MGRN1: variants seen among roughly 807,000 people sequenced by gnomAD.
MGRN1 encodes E3 ubiquitin-protein ligase MGRN1.
MGRN1 carries 29 observed loss-of-function variants against 69.2 expected under a neutral mutation model. The ratio of observed to expected loss-of-function variants is 0.42; its 90% CI spans 0.31 to 0.57. The LOEUF is 0.57. Ranked by LOEUF, MGRN1 falls within the 20% of genes least tolerant of loss-of-function variation. MGRN1 has a pLI of 0.15. For synonymous variants in MGRN1, 470 were observed against 344.2 expected (o/e 1.37, Z -4.04); for missense variants, 998 against 796.2 (o/e 1.25, Z -3.05).
rs2079401818 is a variant in MGRN1, at chr16:4,689,091, C to T, written c.*183C>T. 1.3e-6 allele frequency: 1 copy of T among 762,340 alleles called. No homozygotes were observed. The highest frequency in any genetic ancestry group is 2.0e-6 in the Non-Finnish European group (1 of 506,456). The allele number at this position is 762,340 out of a possible 1,614,324, so 47.2% of individuals were successfully genotyped here. On this transcript the variant is annotated 3_prime_UTR_variant, in exon 17 of 17. Transcript: ENST00000262370. ...ACTGTCCCTTCTGAGTCTCCCTTTT[C>T]TACAGTTGATATATTTGTAACTGGT...
intron 13 of MGRN1, 150 bp downstream of exon 13, chr16:4,681,926 G>A: frequency 1.2e-6 from 1 of 826,500 alleles, no homozygotes; most frequent in Non-Finnish European, 1.8e-6. Flanking sequence ...TTAGACTCAT[G>A]GGTAAAGTTT....
chr16:4,646,789 A>C (rs2078283813), intron 1 of MGRN1, among the ~76,000 whole-genome samples: 1 of 152,192 alleles, frequency 6.6e-6, no homozygotes, highest in Admixed American at 6.5e-5. Context: ...TTCTGCCTAC[A>C]GCGGGGGCTT....
intron 5 of MGRN1, among the ~76,000 whole-genome samples, chr16:4,657,890 C>CT (rs1171802700): frequency 2.6e-5 from 4 of 151,756 alleles, no homozygotes; most frequent in African/African-American, 9.7e-5. Flanking sequence ...CTACAGGCGC[C>CT]TGCCACCACG....
chr16:4,671,487 G>A lies in MGRN1; in HGVS notation c.795+28G>A, dbSNP rs369543490. The A allele has an allele frequency of 8.5e-5, 136 of 1,608,330 alleles. No individual in the cohort carries two copies. In the Middle Eastern group the frequency reaches 1.6e-3, roughly 19 times the overall value. ...GTGTATCTGGGTGAGGTTTCCCTCT[G>A]CCATTACAGAAGCCCACACCAGGAG... On this transcript the variant is annotated intron_variant, in intron 9 of 16. Transcript: ENST00000262370.
At chr16:4,650,571 A>G (rs1389982938) in intron 2 of MGRN1, 88 bp downstream of exon 2, 19 of 1,082,102 alleles carry the variant, frequency 1.8e-5, no homozygotes, top group Non-Finnish European at 2.4e-5. Flanking sequence ...GAGGGCAAGC[A>G]GGCACCAAAT....
Position 4,624,854 on chromosome 16 carries a change from G to A in MGRN1, c.-107G>A, listed in dbSNP as rs1047470194. 12 of 944,336 alleles carry A rather than the reference G, an allele frequency of 1.3e-5. No homozygotes were observed. In the African/African-American group the frequency reaches 1.9e-4, roughly 15 times the overall value. The allele number at this position is 944,336 out of a possible 1,614,324, so 58.5% of individuals were successfully genotyped here. A position where few individuals can be genotyped will look rare whatever the true frequency, so the allele number is the denominator to read the frequency against. On this transcript the variant is annotated 5_prime_UTR_variant, in exon 1 of 17. Coordinates refer to ENST00000262370, the MANE Select transcript of MGRN1 (RefSeq NM_015246.4). Reference sequence around the variant, plus strand: ...GGCTCGAGGCGCCTCCGCGGCCGTGGACGAGCGTCCGTGCGGCCTGGTCCG... The same window carrying A: ...GGCTCGAGGCGCCTCCGCGGCCGTGAACGAGCGTCCGTGCGGCCTGGTCCG...
At chr16:4,660,123 G>T (rs1009786842) in intron 5 of MGRN1, among the ~76,000 whole-genome samples, 1 of 152,252 alleles carries the variant, frequency 6.6e-6, no homozygotes, top group Non-Finnish European at 1.5e-5. Flanking sequence ...GGCCACAGGG[G>T]TGCCCAGCAT....
intron 4 of MGRN1, among the ~76,000 whole-genome samples, chr16:4,654,720 C>T (rs1307158774): frequency 1.3e-5 from 2 of 152,240 alleles, no homozygotes; most frequent in Non-Finnish European, 2.9e-5. Flanking sequence ...GTCCTGTGCA[C>T]AGCCCCTCGC....
chr16:4,637,260 T>A (rs1465629083), intron 1 of MGRN1, among the ~76,000 whole-genome samples: 4 of 151,018 alleles, frequency 2.6e-5, no homozygotes, highest in Non-Finnish European at 5.9e-5. Context: ...TGAAACCCCG[T>A]CTCTACTAAA....
chr16:4,686,662 T>C, intron 16 of MGRN1: 2 of 1,103,950 alleles, frequency 1.8e-6, no homozygotes, highest in Non-Finnish European at 2.2e-6. Context: ...AGGCAGGAGC[T>C]TGAGGGATGA....
intron 8 of MGRN1, 130 bp downstream of exon 8, chr16:4,668,442 CAT>C (rs2078855767): frequency 2.2e-6 from 2 of 906,326 alleles, no homozygotes; most frequent in Middle Eastern, 2.2e-4. Context: ...CATACACACT[CAT>C]ACACATTCAC....
intron 11 of MGRN1, among the ~76,000 whole-genome samples, chr16:4,679,441 G>C (rs2079127685): frequency 6.6e-6 from 1 of 151,982 alleles, no homozygotes; most frequent in Non-Finnish European, 1.5e-5. Context: ...TGGAGCAAAA[G>C]CAAACGCTCC....
At chr16:4,672,889 G>T (rs1476945734) in intron 9 of MGRN1, among the ~76,000 whole-genome samples, 1 of 152,186 alleles carries the variant, frequency 6.6e-6, no homozygotes, top group African/African-American at 2.4e-5. Flanking sequence ...CCAGGCTGGA[G>T]TGCAGTGGCA....
At chr16:4,651,273 A>G (rs907436515) in intron 2 of MGRN1, among the ~76,000 whole-genome samples, 16 of 151,514 alleles carry the variant, frequency 1.1e-4, no homozygotes, top group African/African-American at 3.7e-4. Context: ...TCTGTTCAGC[A>G]CACATGTGGC....
At chr16:4,688,773 C>T (rs2079393865) in intron 16 of MGRN1, 23 bp from the exon 17 acceptor site, 1 of 1,526,438 alleles carries the variant, frequency 6.6e-7, no homozygotes. Flanking sequence ...GTGTGACCCT[C>T]CTCCCTCTGC....
intron 8 of MGRN1, among the ~76,000 whole-genome samples, chr16:4,670,462 C>G (rs1036575175): frequency 1.3e-5 from 2 of 152,206 alleles, no homozygotes; most frequent in African/African-American, 4.8e-5. Flanking sequence ...AAGCTGGTCT[C>G]AAACTTTTGG....
intron 1 of MGRN1, among the ~76,000 whole-genome samples, chr16:4,648,335 C>G: frequency 7.1e-6 from 1 of 141,196 alleles, no homozygotes; most frequent in South Asian, 2.3e-4. Context: ...CCCGGCTCCT[C>G]CTCTCGGGGA....
intron 2 of MGRN1, chr16:4,651,172 G>A (rs1312472824): frequency 6.6e-6 from 1 of 152,228 alleles, no homozygotes; most frequent in Non-Finnish European, 1.5e-5. Context: ...TGGTCCAAAG[G>A]AGAGATGCAG....
intron 5 of MGRN1, among the ~76,000 whole-genome samples, chr16:4,660,351 C>T (rs748884252): frequency 3.9e-5 from 6 of 152,218 alleles, no homozygotes; most frequent in Non-Finnish European, 7.3e-5. Flanking sequence ...CTGGAGCCGC[C>T]CACTGTAAAC....
Sources: allele counts gnomAD v4.1 joint callset (sites outside exome capture counted in the v4.1 genomes callset), GRCh38; gene constraint gnomAD v4.1.1; transcripts MANE v1.5; gene names NCBI Gene and HGNC (gene_info 2026-07-23, HGNC 2026-07-21).